The following SLC24A4 variants were observed in gnomAD, a reference collection of about 807,000 sequenced individuals.
The protein encoded by SLC24A4 is solute carrier family 24 member 4.
In SLC24A4, 53 loss-of-function variants were observed where a neutral mutation model predicts 79.0. That is an observed-to-expected ratio of 0.67 (90% CI 0.54 to 0.84). SLC24A4 has a LOEUF of 0.84. SLC24A4 is among the 40% of genes least tolerant of loss of function. The pLI, the probability that SLC24A4 is intolerant of heterozygous loss-of-function variation, is 0.00. For missense variants in SLC24A4, 731 were observed against 822.0 expected (o/e 0.89, Z 1.35); for synonymous variants, 323 against 323.8 (o/e 1.00, Z 0.03).
intron 2 of SLC24A4, among the ~76,000 whole-genome samples, chr14:92,356,378 TGTGA>T (rs1887182834): frequency 6.6e-6 from 1 of 152,204 alleles, no homozygotes; most frequent in African/African-American, 2.4e-5. Context: ...ACATTTTCCT[TGTGA>T]AATGTTTTTC....
At chr14:92,391,015 T>G (rs1457893732) in intron 2 of SLC24A4, among the ~76,000 whole-genome samples, 2 of 152,110 alleles carry the variant, frequency 1.3e-5, no homozygotes, top group African/African-American at 4.8e-5. Context: ...ATCCAATGGA[T>G]GGAGAGAAAG....
intron 3 of SLC24A4, among the ~76,000 whole-genome samples, chr14:92,435,965 T>A (rs1892143674): frequency 6.6e-6 from 1 of 152,242 alleles, no homozygotes; most frequent in African/African-American, 2.4e-5. Flanking sequence ...CTGCTGAACC[T>A]GAGTGCACCG....
rs533972616 is a variant in SLC24A4 at position 92,323,749 on chromosome 14, C to G, written c.-82C>G. 11 of 1,478,676 alleles carry G rather than the reference C, an allele frequency of 7.4e-6. No individual in the cohort carries two copies. The highest frequency in any genetic ancestry group is 9.0e-6 in the Non-Finnish European group (10 of 1,114,536). The allele number at this position is 1,478,676 out of a possible 1,614,324, so 91.6% of individuals were successfully genotyped here. A position where few individuals can be genotyped will look rare whatever the true frequency, so the allele number is the denominator to read the frequency against. Reference sequence around the variant, plus strand: ...GAGTCGCGCACCGCCTGCTCCAGCCCCAGCGCCGCTCGGCCACTGATTGCA... The same window carrying G: ...GAGTCGCGCACCGCCTGCTCCAGCCGCAGCGCCGCTCGGCCACTGATTGCA... On this transcript the variant is annotated 5_prime_UTR_variant, in exon 1 of 17. Transcript: ENST00000532405. The surrounding 1 kb of genome is among the most constrained non-coding windows in gnomAD (Gnocchi z 4.9).
chr14:92,349,178 T>C (rs1350478526), intron 2 of SLC24A4, among the ~76,000 whole-genome samples: 1 of 152,208 alleles, frequency 6.6e-6, no homozygotes, highest in African/African-American at 2.4e-5. Context: ...TTTTTTTTTT[T>C]TGATACAGTC....
chr14:92,450,737 C>A, intron 10 of SLC24A4: 1 of 152,478 alleles, frequency 6.6e-6, no homozygotes, highest in Non-Finnish European at 1.5e-5. Flanking sequence ...GTCCTCTGGG[C>A]CTTCATGGTG....
chr14:92,363,238 A>G (rs953127209), intron 2 of SLC24A4, among the ~76,000 whole-genome samples: 1 of 152,246 alleles, frequency 6.6e-6, no homozygotes, highest in Non-Finnish European at 1.5e-5. Flanking sequence ...CTTTTAGGAC[A>G]TGAAGACCAA....
intron 2 of SLC24A4, among the ~76,000 whole-genome samples, chr14:92,377,435 G>A (rs556445795): frequency 1.3e-5 from 2 of 152,352 alleles, no homozygotes; most frequent in African/African-American, 2.4e-5. Flanking sequence ...AGGGAGAGCT[G>A]TTTGCCCAAA....
chr14:92,454,316 A>G lies in SLC24A4; in HGVS notation c.1050+247A>G, dbSNP rs1000053802. Among the ~76,000 whole-genome samples the G allele has an allele frequency of 2.0e-5, 3 of 152,250 alleles. No homozygotes were observed. The East Asian group carries it at 5.8e-4, about 29-fold the overall frequency. On this transcript the variant is annotated intron_variant, in intron 11 of 16. Transcript: ENST00000532405. ...GTATTTTGTCAGGCACTAGAGTAGAACTAATTGGAGAAAGGCCAGCCTGAA... is the reference window on the plus strand; with the variant it reads ...GTATTTTGTCAGGCACTAGAGTAGAGCTAATTGGAGAAAGGCCAGCCTGAA...
chr14:92,342,447 G>A (rs191060798), intron 2 of SLC24A4, among the ~76,000 whole-genome samples: 1 of 151,728 alleles, frequency 6.6e-6, no homozygotes. Context: ...GCAATGGCGC[G>A]ATCCCAGCTC....
intron 1 of SLC24A4, 38 bp from the exon 2 acceptor site, chr14:92,325,830 C>G (rs1199295409): frequency 6.1e-6 from 8 of 1,317,090 alleles, no homozygotes; most frequent in Non-Finnish European, 7.6e-6. Flanking sequence ...AGCCATCACA[C>G]TGACCTAATG....
chr14:92,489,806 A>G (rs998751032), intron 14 of SLC24A4, among the ~76,000 whole-genome samples: 2 of 152,186 alleles, frequency 1.3e-5, no homozygotes, highest in African/African-American at 4.8e-5. Context: ...AGACCCGCTC[A>G]TCCCCTCCTC....
At chr14:92,418,899 G>T (rs946125376) in intron 2 of SLC24A4, among the ~76,000 whole-genome samples, 13 of 152,020 alleles carry the variant, frequency 8.6e-5, no homozygotes, top group African/African-American at 2.9e-4. Flanking sequence ...GCAGGGTTTT[G>T]CCATGTTGGC....
In SLC24A4 at chr14:92,398,013, C is replaced by A. The variant is rs757570892; in HGVS notation, c.242-35899C>A. 3.3e-5 allele frequency among the ~76,000 whole-genome samples: 5 copies of A among 152,204 alleles called. No individual in the cohort carries two copies. Among genetic ancestry groups the A allele is most frequent in the African/African-American group, 4.8e-5 (2 of 41,450 alleles). Reference sequence around the variant, plus strand: ...CCACGCAACCAATAACGAGACTCTCCCCTATGCCAGGCCCTGCGCACATGT... The same window carrying A: ...CCACGCAACCAATAACGAGACTCTCACCTATGCCAGGCCCTGCGCACATGT... On this transcript the variant is annotated intron_variant, in intron 2 of 16. Transcript: ENST00000532405. This position sits in a 1 kb window ranked among gnomAD's most constrained non-coding sequence, Gnocchi z 4.1.
At chr14:92,412,071 C>T (rs1221397096) in intron 2 of SLC24A4, among the ~76,000 whole-genome samples, 1 of 152,222 alleles carries the variant, frequency 6.6e-6, no homozygotes, top group African/African-American at 2.4e-5. Flanking sequence ...TGCTGGCTTC[C>T]TCCCCAGCCA....
At chr14:92,378,951 A>G (rs1465777435) in intron 2 of SLC24A4, among the ~76,000 whole-genome samples, 3 of 152,166 alleles carry the variant, frequency 2.0e-5, no homozygotes, top group Non-Finnish European at 4.4e-5. Flanking sequence ...AGTCTCAGCT[A>G]CTTGGGAGGC....
chr14:92,326,047 TGG>T (rs1453483651), intron 2 of SLC24A4, 69 bp downstream of exon 2: 1 of 1,129,382 alleles, frequency 8.9e-7, no homozygotes, highest in Admixed American at 2.0e-5. Flanking sequence ...GGCGCTTATG[TGG>T]GTGGTTACAG....
At chr14:92,433,868 G>T in intron 2 of SLC24A4, 44 bp from the exon 3 acceptor site, 2 of 1,527,730 alleles carry the variant, frequency 1.3e-6, no homozygotes, top group Non-Finnish European at 1.8e-6. Context: ...TTGTCGGGAG[G>T]CCCATAGATA....
intron 2 of SLC24A4, among the ~76,000 whole-genome samples, chr14:92,355,507 A>AGACTT (rs1328527503): frequency 1.3e-5 from 2 of 152,262 alleles, no homozygotes; most frequent in Non-Finnish European, 2.9e-5. Context: ...CTTGGACCCT[A>AGACTT]GGTTTTCACT....
In SLC24A4 at chr14:92,442,743, T is replaced by G; in HGVS notation, c.509T>G (p.Val170Gly). Residue 170 changes from valine to glycine, a missense_variant, in exon 6 of 17, where the codon GTG becomes GGG. Val to Gly is a moderately radical substitution (Grantham distance 109). Transcript: ENST00000532405. ...GVFITHGDVG[V>G]GTIVGSAVFN... ...TTCATCACCCATGGGGACGTCGGGG[T>G]GGGCACCATCGTGGGCTCTGCTGTG... is the stretch of plus-strand genomic sequence containing the variant. 1 of 1,613,970 alleles carries G rather than the reference T, an allele frequency of 6.2e-7. No homozygotes were observed. Among genetic ancestry groups the G allele is most frequent in the Non-Finnish European group, 8.5e-7 (1 of 1,179,916 alleles).
Sources: gnomAD v4.1 joint callset for allele counts (sites outside exome capture counted in the v4.1 genomes callset) on GRCh38, gnomAD v4.1.1 for gene constraint, Gnocchi (gnomAD v3.1) non-coding constraint, MANE v1.5 for transcripts, NCBI Gene and HGNC (gene_info 2026-07-23, HGNC 2026-07-21) for gene names.